The following STARD13 variants were observed in gnomAD, a reference collection of about 807,000 sequenced individuals.
STARD13 encodes StAR related lipid transfer domain containing 13.
STARD13 carries 62 observed loss-of-function variants against 106.4 expected under a neutral mutation model. The observed-to-expected ratio is 0.58, with a 90% CI of 0.48 to 0.72. STARD13 has a LOEUF of 0.72. STARD13 is among the 30% of genes least tolerant of loss of function. The pLI, the probability that STARD13 is intolerant of heterozygous loss-of-function variation, is 0.00. For synonymous variants in STARD13, 565 were observed against 553.0 expected, an observed-to-expected ratio of 1.02 and a Z score of -0.31; for missense variants, 1,387 against 1,424.0, an observed-to-expected ratio of 0.97 and a Z score of 0.42.
At chr13:33,351,318 A>G (rs1355606928), upstream of STARD13, among the ~76,000 whole-genome samples, 1 of 152,252 alleles carries the variant, frequency 6.6e-6, no homozygotes, top group African/African-American at 2.4e-5. Context: ...TATTATGAAG[A>G]AGTGAAATAT....
the STARD13 span, among the ~76,000 whole-genome samples, chr13:33,549,191 C>T: frequency 3.9e-4 from 60 of 152,112 alleles, no homozygotes; most frequent in Non-Finnish European, 5.3e-4. Context: ...TTTTTGGTTA[C>T]TGAGTAATAG....
chr13:33,474,082 G>A, the STARD13 span, among the ~76,000 whole-genome samples: 18 of 152,120 alleles, frequency 1.2e-4, no homozygotes, highest in African/African-American at 2.2e-4. Context: ...TTGTAACACC[G>A]TCTCACCCCA....
At chr13:33,265,197 G>T (rs909340391) in intron 1 of STARD13, among the ~76,000 whole-genome samples, 1 of 151,990 alleles carries the variant, frequency 6.6e-6, no homozygotes, top group Non-Finnish European at 1.5e-5. Context: ...TTCAGGTGGA[G>T]AAGTTAAACT....
At chr13:33,158,053 G>C (rs1205607132) in intron 3 of STARD13, among the ~76,000 whole-genome samples, 1 of 152,164 alleles carries the variant, frequency 6.6e-6, no homozygotes, top group Admixed American at 6.5e-5. Flanking sequence ...GACTTGCAGG[G>C]ACAAACATTT....
At chr13:33,402,403 A>C in the STARD13 span, among the ~76,000 whole-genome samples, 1 of 152,256 alleles carries the variant, frequency 6.6e-6, no homozygotes, top group African/African-American at 2.4e-5. Flanking sequence ...TATATGAAAT[A>C]ACCTTCAGAA....
At chr13:33,663,027 A>G in the STARD13 span, among the ~76,000 whole-genome samples, 3 of 152,240 alleles carry the variant, frequency 2.0e-5, no homozygotes, top group Non-Finnish European at 4.4e-5. Flanking sequence ...TGCTAACAGT[A>G]GTTTGAATTG....
At chr13:33,548,338 A>T in the STARD13 span, among the ~76,000 whole-genome samples, 2 of 152,176 alleles carry the variant, frequency 1.3e-5, no homozygotes, top group Admixed American at 1.3e-4. Flanking sequence ...TGTTCTTAGC[A>T]TGCAACTGTT....
the STARD13 span, among the ~76,000 whole-genome samples, chr13:33,489,968 T>C: frequency 6.6e-6 from 1 of 152,206 alleles, no homozygotes; most frequent in Non-Finnish European, 1.5e-5. Context: ...TCGATAACCT[T>C]GAGCTTAAGG....
At chr13:33,145,645 T>C (rs1039109317) in intron 3 of STARD13, among the ~76,000 whole-genome samples, 5 of 152,158 alleles carry the variant, frequency 3.3e-5, no homozygotes, top group Non-Finnish European at 7.3e-5. Flanking sequence ...TAAATGGATA[T>C]AAAAATTGTG....
chr13:33,610,315 A>AG, the STARD13 span, among the ~76,000 whole-genome samples: 1 of 152,206 alleles, frequency 6.6e-6, no homozygotes, highest in South Asian at 2.1e-4. Context: ...TTATTTAAGG[A>AG]GAAAAAAAAG....
At chr13:33,128,804 C>T in intron 5 of STARD13, 125 bp downstream of exon 5, 1 of 931,124 alleles carries the variant, frequency 1.1e-6, no homozygotes, top group Non-Finnish European at 1.6e-6. Context: ...TTCCTAATCA[C>T]ATACATCACT....
At chr13:33,357,446 T>C in the STARD13 span, among the ~76,000 whole-genome samples, 1 of 152,234 alleles carries the variant, frequency 6.6e-6, no homozygotes, top group Admixed American at 6.5e-5. Flanking sequence ...TATGGCATTT[T>C]CTTTAGGAAT....
chr13:33,477,843 C>A, the STARD13 span, among the ~76,000 whole-genome samples: 1 of 152,132 alleles, frequency 6.6e-6, no homozygotes, highest in Non-Finnish European at 1.5e-5. Flanking sequence ...ATTGACCCTC[C>A]AAGTCTTAAC....
intron 1 of STARD13, among the ~76,000 whole-genome samples, chr13:33,302,968 G>A (rs530292747): frequency 6.6e-6 from 1 of 152,238 alleles, no homozygotes; most frequent in East Asian, 1.9e-4. Context: ...GCCCATCATG[G>A]TAGCCTTTCT....
At chr13:33,283,790 G>A (rs556689689) in intron 1 of STARD13, among the ~76,000 whole-genome samples, 6 of 152,260 alleles carry the variant, frequency 3.9e-5, no homozygotes, top group South Asian at 4.1e-4. Context: ...GACAGGGCAC[G>A]TTCAGTGATA....
chr13:33,443,469 A>C, the STARD13 span, among the ~76,000 whole-genome samples: 1 of 142,430 alleles, frequency 7.0e-6, no homozygotes, highest in Non-Finnish European at 1.5e-5. Context: ...CAAAAAAAAA[A>C]CACTAGAAGC....
intron 4 of STARD13, among the ~76,000 whole-genome samples, chr13:33,136,504 CTGAT>C (rs1413066720): frequency 6.6e-6 from 1 of 152,216 alleles, no homozygotes; most frequent in Non-Finnish European, 1.5e-5. Context: ...ATGTTTTCCT[CTGAT>C]TGATCCTCAC....
the STARD13 span, among the ~76,000 whole-genome samples, chr13:33,619,535 C>T: frequency 0.014 from 2,171 of 152,216 alleles, 43 homozygotes; most frequent in African/African-American, 0.05. Flanking sequence ...GATAAGACTA[C>T]ATTATTGTAA....
chr13:33,628,232 T>C, the STARD13 span, among the ~76,000 whole-genome samples: 2 of 151,846 alleles, frequency 1.3e-5, no homozygotes, highest in South Asian at 4.2e-4. Context: ...ATGTTTTTCT[T>C]TTATTTATCC....
Sources: gnomAD v4.1 joint callset for allele counts (sites outside exome capture counted in the v4.1 genomes callset) on GRCh38, gnomAD v4.1.1 for gene constraint, MANE v1.5 for transcripts, NCBI Gene and HGNC (gene_info 2026-07-23, HGNC 2026-07-21) for gene names.